The following MRAP2 variants were observed in gnomAD, a reference collection of about 807,000 sequenced individuals.
The protein encoded by MRAP2 is melanocortin-2 receptor accessory protein 2.
Under a neutral mutation model 17.4 loss-of-function variants are expected in MRAP2, and 20 were observed. That is an observed-to-expected ratio of 1.15 (90% CI 0.81 to 1.67). The LOEUF is 1.67. Among genes scored for constraint, MRAP2 ranks in the 40% most tolerant of loss-of-function variants. MRAP2 has a pLI of 0.00. For synonymous variants in MRAP2, 96 were observed against 88.4 expected, an observed-to-expected ratio of 1.09 and a Z score of -0.48; for missense variants, 238 against 240.0, an observed-to-expected ratio of 0.99 and a Z score of 0.05.
chr6:84,132,653 C>T, the MRAP2 span, among the ~76,000 whole-genome samples: 1 of 152,176 alleles, frequency 6.6e-6, no homozygotes, highest in Admixed American at 6.5e-5. Flanking sequence ...GAAGCTTGTG[C>T]ATACATCACA....
Position 84,080,764 on chromosome 6 carries a change from G to C in MRAP2, c.228-8327G>C, listed in dbSNP as rs112746368. Among the ~76,000 whole-genome samples the C allele has an allele frequency of 9.3e-3, 1,419 of 152,268 alleles. 29 individuals carry two copies. Among genetic ancestry groups the C allele is most frequent in the African/African-American group, 0.032 (1,310 of 41,546 alleles). On this transcript the variant is annotated intron_variant, in intron 3 of 3. Transcript: ENST00000257776. ...CAAAGTTTACAAACAAAAGTAGAAAGTAAAATTAATAGTAATATGATAATC... is the reference window on the plus strand; with the variant it reads ...CAAAGTTTACAAACAAAAGTAGAAACTAAAATTAATAGTAATATGATAATC...
intron 1 of MRAP2, among the ~76,000 whole-genome samples, chr6:84,036,757 A>G (rs113622543): frequency 0.012 from 1,889 of 152,262 alleles, 46 homozygotes; most frequent in African/African-American, 0.043. Flanking sequence ...TCTACTTTAC[A>G]GAGAACTGAT....
At chr6:84,141,409 T>C in the MRAP2 span, among the ~76,000 whole-genome samples, 1 of 152,166 alleles carries the variant, frequency 6.6e-6, no homozygotes, top group South Asian at 2.1e-4. Flanking sequence ...AACGTTAACA[T>C]CTACATCTGC....
the MRAP2 span, among the ~76,000 whole-genome samples, chr6:84,145,948 CT>C: frequency 1.3e-5 from 2 of 152,114 alleles, no homozygotes; most frequent in African/African-American, 2.4e-5. Context: ...AGAAATGCCT[CT>C]TATTAGATCA....
chr6:84,052,305 C>T (rs1304518699), intron 1 of MRAP2, among the ~76,000 whole-genome samples: 2 of 152,242 alleles, frequency 1.3e-5, no homozygotes, highest in East Asian at 3.9e-4. Context: ...GGGAGTGAGG[C>T]TCAGGGCCAG....
At chr6:84,081,078 G>T (rs181997092) in intron 3 of MRAP2, among the ~76,000 whole-genome samples, 3 of 152,314 alleles carry the variant, frequency 2.0e-5, no homozygotes, top group East Asian at 3.9e-4. Flanking sequence ...GAGAACAACA[G>T]TTGTATTAGG....
chr6:84,075,581 C>G (rs750438362), intron 3 of MRAP2, among the ~76,000 whole-genome samples: 20 of 152,104 alleles, frequency 1.3e-4, no homozygotes, highest in Non-Finnish European at 2.5e-4. Context: ...CATTATGGCC[C>G]CATTATCATA....
At position 84,089,811 on chromosome 6, in the gene MRAP2, TG is replaced by T. The variant is rs66966789; in HGVS notation, c.*331del. The T allele has an allele frequency of 0.15, 35,421 of 239,656 alleles. 6,660 individuals carry two copies. Among genetic ancestry groups the T allele is most frequent in the African/African-American group, 0.52 (22,777 of 43,646 alleles). The allele number at this position is 239,656 out of a possible 1,614,324, so 14.8% of individuals were successfully genotyped here. A position where few individuals can be genotyped will look rare whatever the true frequency, so the allele number is the denominator to read the frequency against. On this transcript the variant is annotated 3_prime_UTR_variant, in exon 4 of 4. Coordinates refer to ENST00000257776, the MANE Select transcript of MRAP2 (RefSeq NM_138409.4). ...TTAAACTTTATTAAAACATGAGTTTTGTTTTTTTTTTTGCTATTTTTTTTAA... is the reference window on the plus strand; with the variant it reads ...TTAAACTTTATTAAAACATGAGTTTTTTTTTTTTTTTGCTATTTTTTTTAA...
At chr6:84,075,147 C>T (rs939592060) in intron 3 of MRAP2, among the ~76,000 whole-genome samples, 5 of 152,180 alleles carry the variant, frequency 3.3e-5, no homozygotes, top group African/African-American at 7.2e-5. Flanking sequence ...TGCTATGACA[C>T]GGTAAGAAAA....
the MRAP2 span, chr6:84,126,599 T>G: frequency 9.8e-7 from 1 of 1,018,000 alleles, no homozygotes; most frequent in Non-Finnish European, 1.4e-6. Flanking sequence ...TGTATAAAAT[T>G]TCTCTATATA....
At chr6:84,059,857 C>G (rs1436448525) in intron 2 of MRAP2, among the ~76,000 whole-genome samples, 2 of 152,168 alleles carry the variant, frequency 1.3e-5, no homozygotes. Flanking sequence ...GACTTCTTCC[C>G]AGAAAAGGAT....
chr6:84,134,962 AG>A, the MRAP2 span, among the ~76,000 whole-genome samples: 1 of 151,438 alleles, frequency 6.6e-6, no homozygotes, highest in African/African-American at 2.4e-5. Flanking sequence ...ACACATATAT[AG>A]TGTTAGGTTA....
chr6:84,134,915 T>TACACACAC, the MRAP2 span, among the ~76,000 whole-genome samples: 6 of 74,068 alleles, frequency 8.1e-5, no homozygotes, highest in African/African-American at 2.4e-4. Flanking sequence ...GAAAAGATCA[T>TACACACAC]ATATACACAC....
chr6:84,078,901 C>T (rs1698184036), intron 3 of MRAP2, among the ~76,000 whole-genome samples: 1 of 152,160 alleles, frequency 6.6e-6, no homozygotes, highest in African/African-American at 2.4e-5. Flanking sequence ...CTCAGGTATG[C>T]TTTTATAGCA....
Position 84,055,410 on chromosome 6 carries a change from G to A in MRAP2, c.92G>A (p.Gly31Glu), listed in dbSNP as rs114845842. 9 of 1,612,966 alleles carry A rather than the reference G, an allele frequency of 5.6e-6. No individual in the cohort carries two copies. In the East Asian group the frequency reaches 1.6e-4, roughly 28 times the overall value. The change falls in exon 2 of 4, where the codon GGA (glycine) becomes GAA (glutamate). Residue 31 changes from glycine (G) to glutamate (E), a missense_variant. Gly to Glu is a moderately conservative substitution (Grantham distance 98). Transcript: ENST00000257776. ...YTWEYEYYEI[G>E]PVSFEGLKAH... Reference sequence around the variant, plus strand: ...TGGGAATATGAATATTATGAGATTGGACCAGTTTCCTTTGAAGGACTGAAG... The same window carrying A: ...TGGGAATATGAATATTATGAGATTGAACCAGTTTCCTTTGAAGGACTGAAG...
intron 1 of MRAP2, among the ~76,000 whole-genome samples, chr6:84,050,285 G>A (rs1017372593): frequency 6.6e-6 from 1 of 152,178 alleles, no homozygotes; most frequent in African/African-American, 2.4e-5. Context: ...AAGTAAACTT[G>A]AGAATAACAC....
At chr6:84,135,930 C>G in the MRAP2 span, among the ~76,000 whole-genome samples, 2 of 152,180 alleles carry the variant, frequency 1.3e-5, no homozygotes, top group Non-Finnish European at 2.9e-5. Context: ...CATGTGCCTT[C>G]GTGCTTTGTA....
intron 1 of MRAP2, chr6:84,045,203 A>C: frequency 2.0e-6 from 2 of 985,360 alleles, no homozygotes; most frequent in Non-Finnish European, 1.2e-6. Flanking sequence ...ATGACTTTAT[A>C]TATATACACA....
chr6:84,073,083 G>A (rs2129171192), intron 3 of MRAP2, among the ~76,000 whole-genome samples: 1 of 152,226 alleles, frequency 6.6e-6, no homozygotes, highest in Non-Finnish European at 1.5e-5. Flanking sequence ...CCCGAATTCT[G>A]GCCAGGAGGC....
Sources: allele counts gnomAD v4.1 joint callset (sites outside exome capture counted in the v4.1 genomes callset), GRCh38; gene constraint gnomAD v4.1.1; transcripts MANE v1.5; gene names NCBI Gene and HGNC (gene_info 2026-07-23, HGNC 2026-07-21).